CNIH3: variants seen among roughly 807,000 people sequenced by gnomAD.
CNIH3 encodes cornichon family AMPA receptor auxiliary protein 3.
In CNIH3, 14 loss-of-function variants were observed where a neutral mutation model predicts 24.1. The observed-to-expected ratio is 0.58, with a 90% CI of 0.38 to 0.91. The LOEUF (loss-of-function observed/expected upper bound fraction) is 0.91. Ranked by LOEUF, CNIH3 falls within the 40% of genes least tolerant of loss-of-function variation. The probability of loss-of-function intolerance (pLI) is 0.00; values close to 1 mark genes in which losing one functional copy is unlikely to be tolerated. For missense variants in CNIH3, 178 were observed against 196.8 expected (o/e 0.90, Z 0.57); for synonymous variants, 68 against 73.8 (o/e 0.92, Z 0.40).
At chr1:224,680,909 G>A (rs1289765994) in intron 1 of CNIH3, 49 bp from the exon 2 acceptor site, 9 of 1,360,388 alleles carry the variant, frequency 6.6e-6, no homozygotes, top group South Asian at 1.2e-5. Context: ...TGGACATGGT[G>A]TGTTGACTCG....
At chr1:224,472,153 C>T (rs1472465972) in intron 1 of CNIH3, among the ~76,000 whole-genome samples, 1 of 152,066 alleles carries the variant, frequency 6.6e-6, no homozygotes, top group Non-Finnish European at 1.5e-5. Context: ...CCAAATTGTT[C>T]TTCATAGTGG....
chr1:224,522,507 G>A (rs1365370540), intron 2 of CNIH3, among the ~76,000 whole-genome samples: 4 of 152,200 alleles, frequency 2.6e-5, no homozygotes, highest in East Asian at 3.9e-4. Context: ...ATTGCAGCGT[G>A]TCTAACTGGT....
chr1:224,699,402 G>T (rs1687358659), intron 3 of CNIH3, among the ~76,000 whole-genome samples: 1 of 152,180 alleles, frequency 6.6e-6, no homozygotes, highest in East Asian at 1.9e-4. Context: ...GTCAGCCAGG[G>T]GTGCCATAAC....
At chr1:224,705,493 CT>C (rs1687734180) in intron 3 of CNIH3, among the ~76,000 whole-genome samples, 1 of 152,230 alleles carries the variant, frequency 6.6e-6, no homozygotes, top group Admixed American at 6.5e-5. Context: ...TGATCAATAC[CT>C]TTTCTGGTGG....
intron 1 of CNIH3, among the ~76,000 whole-genome samples, chr1:224,637,873 C>A (rs72760372): frequency 2.6e-5 from 4 of 152,320 alleles, no homozygotes; most frequent in Admixed American, 6.5e-5. Context: ...CACCCCCAGT[C>A]CCCCTGTCTG....
chr1:224,436,418 G>T (rs1378214347), intron 1 of CNIH3, among the ~76,000 whole-genome samples: 1 of 152,170 alleles, frequency 6.6e-6, no homozygotes, highest in Admixed American at 6.5e-5. Context: ...CAACATTGAA[G>T]ACTTGCTTCT....
chr1:224,445,740 C>T (rs750624820), intron 1 of CNIH3, among the ~76,000 whole-genome samples: 5 of 152,124 alleles, frequency 3.3e-5, no homozygotes, highest in Non-Finnish European at 5.9e-5. Context: ...TCTTGATGAA[C>T]AGAAGTTCTT....
chr1:224,575,003 CCCGTA>C, intron 4 of CNIH3: 1 of 874,654 alleles, frequency 1.1e-6, no homozygotes, highest in East Asian at 2.4e-5. Context: ...TTGAGTGCCA[CCCGTA>C]CCTCACTCAG....
At chr1:224,485,869 G>A (rs1044428972) in intron 1 of CNIH3, among the ~76,000 whole-genome samples, 3 of 152,150 alleles carry the variant, frequency 2.0e-5, no homozygotes, top group African/African-American at 7.2e-5. Flanking sequence ...TCATCAACTT[G>A]TAAAACTTCA....
chr1:224,660,921 A>G (rs141195532), intron 1 of CNIH3, among the ~76,000 whole-genome samples: 2 of 152,332 alleles, frequency 1.3e-5, no homozygotes, highest in African/African-American at 4.8e-5. Flanking sequence ...ACCTTGGAGT[A>G]TGTTTAATAA....
chr1:224,559,400 C>T (rs546233403), intron 3 of CNIH3, among the ~76,000 whole-genome samples: 6 of 152,200 alleles, frequency 3.9e-5, no homozygotes, highest in South Asian at 2.1e-4. Context: ...GGTCTTGCTC[C>T]GTCACCCAGG....
At chr1:224,642,221 A>G (rs1476378920) in intron 1 of CNIH3, among the ~76,000 whole-genome samples, 1 of 152,060 alleles carries the variant, frequency 6.6e-6, no homozygotes, top group African/African-American at 2.4e-5. Context: ...CCAGTGTTCT[A>G]TTATGCAGAT....
At position 224,739,757 on chromosome 1, in the gene CNIH3, A is replaced by C. The variant is rs978022640; in HGVS notation, c.*401A>C. 4.6e-6 allele frequency: 1 copy of C among 218,456 alleles called. No homozygotes were observed. The highest frequency in any genetic ancestry group is 1.5e-3 in the Middle Eastern group (1 of 672). 13.5% of individuals were successfully genotyped at this position (218,456 alleles called of 1,614,324 possible). On this transcript the variant is annotated 3_prime_UTR_variant, in exon 6 of 6. Coordinates refer to ENST00000272133, the MANE Select transcript of CNIH3 (RefSeq NM_152495.2). ...GCTGGAAGGCCACAAGGTGCTTGCT[A>C]AGGAACAGAATGACCCAGAGTCAAG...
chr1:224,583,410 C>G (rs1355397569), intron 5 of CNIH3: 2 of 152,142 alleles, frequency 1.3e-5, no homozygotes, highest in East Asian at 3.8e-4. Flanking sequence ...TTTGGCCACA[C>G]TATGTGAGAG....
At chr1:224,729,676 T>C (rs183337117) in intron 3 of CNIH3, among the ~76,000 whole-genome samples, 1 of 152,252 alleles carries the variant, frequency 6.6e-6, no homozygotes, top group Admixed American at 6.5e-5. Context: ...CCCTTTAGCT[T>C]ACAACTTTGA....
intron 1 of CNIH3, among the ~76,000 whole-genome samples, chr1:224,656,714 G>T (rs1685115549): frequency 6.6e-6 from 1 of 152,126 alleles, no homozygotes; most frequent in African/African-American, 2.4e-5. Flanking sequence ...TCAGCCTGTT[G>T]GGATTTCCAG....
Position 224,616,855 on chromosome 1 carries a change from CTCACA to C in CNIH3, c.-319_-315del. 1 of 1,188,456 alleles carries C rather than the reference CTCACA, an allele frequency of 8.4e-7. No individual in the cohort carries two copies. Among genetic ancestry groups the C allele is most frequent in the Non-Finnish European group, 1.0e-6 (1 of 958,366 alleles). The allele number at this position is 1,188,456 out of a possible 1,614,324, so 73.6% of individuals were successfully genotyped here. ...CGCTTGTCGTGTTGGTCTCGAGGGG[CTCACA>C]GCTTGGCACTAATTTGCAGGTGTTC... On this transcript the variant is annotated 5_prime_UTR_variant, in exon 1 of 6. An upstream open reading frame in the 5' UTR gains an earlier in-frame stop. Transcript: ENST00000272133.
chr1:224,633,159 T>A (rs958644503), intron 1 of CNIH3, among the ~76,000 whole-genome samples: 13 of 151,608 alleles, frequency 8.6e-5, no homozygotes, highest in African/African-American at 3.2e-4. Context: ...TCAGTTAAGA[T>A]TTTTTTTTCT....
chr1:224,524,419 T>C (rs1189293772), intron 2 of CNIH3, among the ~76,000 whole-genome samples: 1 of 152,236 alleles, frequency 6.6e-6, no homozygotes, highest in Non-Finnish European at 1.5e-5. Context: ...TCTTATATAC[T>C]GAGTGTGTTG....
Sources: allele counts gnomAD v4.1 joint callset (sites outside exome capture counted in the v4.1 genomes callset), GRCh38; gene constraint gnomAD v4.1.1; transcripts MANE v1.5; gene names NCBI Gene and HGNC (gene_info 2026-07-23, HGNC 2026-07-21).